Variants in EXOC4 observed in about 807,000 individuals in gnomAD.
EXOC4 encodes the protein exocyst complex component 4, also known as SEC8-like 1.
EXOC4 carries 71 observed loss-of-function variants against 107.2 expected under a neutral mutation model. The ratio of observed to expected loss-of-function variants is 0.66; its 90% CI spans 0.55 to 0.81. EXOC4 has a LOEUF of 0.81. Ranked by LOEUF, EXOC4 falls within the 30% of genes least tolerant of loss-of-function variation. The pLI is 0.00. For missense variants in EXOC4, 1,108 were observed against 1,189.6 expected, an observed-to-expected ratio of 0.93 and a Z score of 1.01; for synonymous variants, 456 against 441.2, an observed-to-expected ratio of 1.03 and a Z score of -0.42.
chr7:133,397,597 T>C, intron 7 of EXOC4, among the ~76,000 whole-genome samples: 1 of 152,172 alleles, frequency 6.6e-6, no homozygotes, highest in East Asian at 1.9e-4. Flanking sequence ...ATTTTGCCTC[T>C]TCCTTATTTT....
rs567162981 is a variant in EXOC4 at position 133,539,023 on chromosome 7, TC to T, written c.1417+58886del. 5.9e-5 allele frequency among the ~76,000 whole-genome samples: 9 copies of T among 152,104 alleles called. No homozygotes were observed. The East Asian group carries it at 1.5e-3, about 26-fold the overall frequency. On this transcript the variant is annotated intron_variant, in intron 9 of 17. Coordinates refer to ENST00000253861, the MANE Select transcript of EXOC4 (RefSeq NM_021807.4). ...ATATAAACTGCTGCTGATCTGTCAT[TC>T]TCTATTCTGGAAATGTTTACTTCAT...
chr7:133,667,675 A>G (rs750841665), intron 10 of EXOC4, among the ~76,000 whole-genome samples: 6 of 152,150 alleles, frequency 3.9e-5, no homozygotes, highest in Non-Finnish European at 8.8e-5. Context: ...GTTGTTGCAC[A>G]TTTCACAATT....
At chr7:133,418,812 T>G (rs1460011208) in intron 7 of EXOC4, among the ~76,000 whole-genome samples, 1 of 152,178 alleles carries the variant, frequency 6.6e-6, no homozygotes, top group Non-Finnish European at 1.5e-5. Flanking sequence ...CCATTGTAAT[T>G]GATTGGTCAG....
At chr7:133,348,962 A>G (rs1424650447) in intron 5 of EXOC4, among the ~76,000 whole-genome samples, 1 of 152,156 alleles carries the variant, frequency 6.6e-6, no homozygotes, top group Non-Finnish European at 1.5e-5. Context: ...AGTAAAACCA[A>G]ATGAATCTGG....
At chr7:134,028,449 A>C (rs982803543) in intron 17 of EXOC4, among the ~76,000 whole-genome samples, 5 of 152,258 alleles carry the variant, frequency 3.3e-5, no homozygotes, top group Admixed American at 6.5e-5. Context: ...CTAAACTATA[A>C]GTCGAAACAA....
chr7:133,931,827 G>A (rs1800182967), intron 13 of EXOC4, among the ~76,000 whole-genome samples: 1 of 152,218 alleles, frequency 6.6e-6, no homozygotes, highest in African/African-American at 2.4e-5. Context: ...TTTAGACCAG[G>A]AGCCTGCATG....
At chr7:133,625,295 T>A (rs1446846062) in intron 9 of EXOC4, among the ~76,000 whole-genome samples, 3 of 152,222 alleles carry the variant, frequency 2.0e-5, no homozygotes, top group Admixed American at 1.3e-4. Flanking sequence ...CTACGTTACT[T>A]CCCTTAAACA....
At chr7:133,829,354 A>G (rs552743874) in intron 11 of EXOC4, among the ~76,000 whole-genome samples, 45 of 152,336 alleles carry the variant, frequency 3.0e-4, no homozygotes, top group Admixed American at 1.9e-3. Flanking sequence ...TTTAAGGAGC[A>G]CTGGGCCTTG....
At chr7:133,823,955 C>T (rs1797637831) in intron 11 of EXOC4, among the ~76,000 whole-genome samples, 1 of 115,676 alleles carries the variant, frequency 8.6e-6, no homozygotes, top group Non-Finnish European at 1.7e-5. Flanking sequence ...ATAGTTGAGG[C>T]TTTATTTAAT....
intron 11 of EXOC4, among the ~76,000 whole-genome samples, chr7:133,823,641 C>G (rs1278806736): frequency 1.3e-5 from 2 of 149,824 alleles, no homozygotes; most frequent in African/African-American, 4.9e-5. Context: ...ATGGTGAAAC[C>G]CTGTCTATAA....
chr7:133,787,314 G>A (rs1174414311), intron 10 of EXOC4, among the ~76,000 whole-genome samples: 1 of 150,478 alleles, frequency 6.6e-6, no homozygotes, highest in African/African-American at 2.4e-5. Flanking sequence ...CCACAAGCGT[G>A]CACCACCACA....
intron 12 of EXOC4, among the ~76,000 whole-genome samples, chr7:133,910,528 A>G (rs1310026546): frequency 6.6e-6 from 1 of 152,304 alleles, no homozygotes; most frequent in East Asian, 1.9e-4. Context: ...ATGGTGTCAA[A>G]GATGTTCTGA....
At chr7:133,865,761 A>G (rs902843030) in intron 11 of EXOC4, among the ~76,000 whole-genome samples, 2 of 152,162 alleles carry the variant, frequency 1.3e-5, no homozygotes, top group Non-Finnish European at 2.9e-5. Context: ...CTTTTAAACA[A>G]CCAGATCTTG....
intron 11 of EXOC4, among the ~76,000 whole-genome samples, chr7:133,879,333 A>C (rs544685804): frequency 4.1e-4 from 62 of 152,120 alleles, no homozygotes; most frequent in African/African-American, 1.4e-3. Context: ...GGGCTCAAGC[A>C]ACTCTCCGTG....
chr7:133,287,854 C>A (rs1295513434), intron 2 of EXOC4, among the ~76,000 whole-genome samples: 1 of 152,146 alleles, frequency 6.6e-6, no homozygotes, highest in Non-Finnish European at 1.5e-5. Flanking sequence ...ATTTTCATCA[C>A]CACACCAAGT....
chr7:133,351,771 G>C (rs530034151), intron 5 of EXOC4, among the ~76,000 whole-genome samples: 1 of 151,784 alleles, frequency 6.6e-6, no homozygotes, highest in South Asian at 2.1e-4. Context: ...AAATTAAGCT[G>C]TTGTTTTGAG....
At chr7:133,564,280 T>A (rs1470500318) in intron 9 of EXOC4, among the ~76,000 whole-genome samples, 1 of 151,826 alleles carries the variant, frequency 6.6e-6, no homozygotes, top group African/African-American at 2.4e-5. Flanking sequence ...ATGGCCGGGG[T>A]AGAAGCAAGA....
chr7:133,602,583 A>G (rs1801834485), intron 9 of EXOC4, among the ~76,000 whole-genome samples: 2 of 152,360 alleles, frequency 1.3e-5, no homozygotes, highest in Admixed American at 6.5e-5. Context: ...GTGACTACAA[A>G]ACTAGAATGG....
intron 9 of EXOC4, among the ~76,000 whole-genome samples, chr7:133,526,572 C>T (rs1468352420): frequency 6.6e-6 from 1 of 152,192 alleles, no homozygotes; most frequent in Non-Finnish European, 1.5e-5. Flanking sequence ...TCATGACTAC[C>T]TGGTTTAGCA....
Sources: gnomAD v4.1 joint callset for allele counts (sites outside exome capture counted in the v4.1 genomes callset) on GRCh38, gnomAD v4.1.1 for gene constraint, MANE v1.5 for transcripts, NCBI Gene and HGNC (gene_info 2026-07-23, HGNC 2026-07-21) for gene names.